ZNF385D: variants seen among roughly 807,000 people sequenced by gnomAD.
ZNF385D encodes zinc finger protein 385D.
In ZNF385D, 15 loss-of-function variants were observed where a neutral mutation model predicts 35.8. That is an observed-to-expected ratio of 0.42 (90% CI 0.28 to 0.64). The LOEUF (loss-of-function observed/expected upper bound fraction) is 0.64. ZNF385D is among the 30% of genes least tolerant of loss of function. The pLI is 0.23. For missense variants in ZNF385D, 474 were observed against 494.6 expected (o/e 0.96, Z 0.39); for synonymous variants, 212 against 186.8 (o/e 1.13, Z -1.10).
intron 2 of ZNF385D, among the ~76,000 whole-genome samples, chr3:22,207,885 C>A (rs1697259571): frequency 6.6e-6 from 1 of 151,828 alleles, no homozygotes; most frequent in African/African-American, 2.4e-5. Context: ...TGAGATGTCA[C>A]CTCACCCTAG....
chr3:21,975,136 C>T (rs1290253530), intron 3 of ZNF385D, among the ~76,000 whole-genome samples: 4 of 152,186 alleles, frequency 2.6e-5, no homozygotes, highest in African/African-American at 7.2e-5. Flanking sequence ...TGTGGCAGCA[C>T]TGCTCTGCCA....
chr3:21,907,298 C>G (rs1334126824), intron 3 of ZNF385D, among the ~76,000 whole-genome samples: 1 of 152,094 alleles, frequency 6.6e-6, no homozygotes, highest in Non-Finnish European at 1.5e-5. Context: ...ACATTGCCAA[C>G]ATTGTGGTAT....
chr3:21,735,386 A>G (rs1575559933), intron 1 of ZNF385D, among the ~76,000 whole-genome samples: 1 of 152,236 alleles, frequency 6.6e-6, no homozygotes, highest in Non-Finnish European at 1.5e-5. Flanking sequence ...GCCACTCACT[A>G]CTGGTTGCTT....
intron 2 of ZNF385D, among the ~76,000 whole-genome samples, chr3:22,215,515 C>T (rs1697817411): frequency 6.6e-6 from 1 of 151,930 alleles, no homozygotes; most frequent in South Asian, 2.1e-4. Flanking sequence ...CCATAGTGCT[C>T]CCAGGCTTAT....
At chr3:21,506,577 T>C (rs1015727802) in intron 4 of ZNF385D, among the ~76,000 whole-genome samples, 1 of 152,174 alleles carries the variant, frequency 6.6e-6, no homozygotes, top group African/African-American at 2.4e-5. Context: ...CTAGTTACTT[T>C]GAGTATAATT....
chr3:21,604,875 G>A (rs2064430008), intron 2 of ZNF385D, among the ~76,000 whole-genome samples: 1 of 152,136 alleles, frequency 6.6e-6, no homozygotes, highest in Admixed American at 6.5e-5. Context: ...CTAGTTTTAT[G>A]TTTATTTATT....
intron 4 of ZNF385D, among the ~76,000 whole-genome samples, chr3:21,458,178 A>C (rs1472221605): frequency 6.6e-6 from 1 of 152,098 alleles, no homozygotes; most frequent in East Asian, 1.9e-4. Context: ...AGGTTAAGAA[A>C]CAGATGAAGA....
intron 4 of ZNF385D, among the ~76,000 whole-genome samples, chr3:21,444,388 T>A (rs1462480356): frequency 1.7e-3 from 2 of 1,162 alleles, no homozygotes; most frequent in African/African-American, 3.6e-3. Context: ...CCTTTTTTTG[T>A]TTTTTTTTTT....
intron 2 of ZNF385D, among the ~76,000 whole-genome samples, chr3:21,581,972 C>T (rs1019483787): frequency 5.3e-5 from 8 of 152,082 alleles, no homozygotes; most frequent in African/African-American, 1.9e-4. Context: ...AATTTTTTTA[C>T]CAGATGTTTC....
At chr3:21,888,739 T>A (rs937001481) in intron 3 of ZNF385D, among the ~76,000 whole-genome samples, 2 of 152,194 alleles carry the variant, frequency 1.3e-5, no homozygotes, top group African/African-American at 4.8e-5. Context: ...GACCCATTTT[T>A]CTCATTTATC....
chr3:21,564,548 A>C, intron 3 of ZNF385D, 26 bp downstream of exon 3: 1 of 1,358,084 alleles, frequency 7.4e-7, no homozygotes, highest in Non-Finnish European at 1.0e-6. Flanking sequence ...TTTTTTTTTT[A>C]AGTGAACACT....
At chr3:21,886,868 G>T (rs896713143) in intron 3 of ZNF385D, among the ~76,000 whole-genome samples, 107 of 152,076 alleles carry the variant, frequency 7.0e-4, no homozygotes, top group African/African-American at 2.4e-3. Context: ...TGGTGTGATT[G>T]GATCAGCAGT....
chr3:21,428,851 C>G (rs892356164), intron 5 of ZNF385D, among the ~76,000 whole-genome samples: 1 of 150,312 alleles, frequency 6.7e-6, no homozygotes, highest in Non-Finnish European at 1.5e-5. Flanking sequence ...ATACCTTCAC[C>G]TGAAGCTTCA....
At chr3:22,090,935 C>T (rs1320282505) in intron 3 of ZNF385D, among the ~76,000 whole-genome samples, 1 of 152,072 alleles carries the variant, frequency 6.6e-6, no homozygotes, top group Admixed American at 6.6e-5. Flanking sequence ...TTACAGCATG[C>T]TCAGGAGGAA....
intron 2 of ZNF385D, among the ~76,000 whole-genome samples, chr3:21,577,026 T>C (rs1212113943): frequency 6.6e-6 from 1 of 152,204 alleles, no homozygotes; most frequent in Non-Finnish European, 1.5e-5. Flanking sequence ...CAATGTCTTC[T>C]CATTTAGCTA....
intron 4 of ZNF385D, among the ~76,000 whole-genome samples, chr3:21,502,815 A>C (rs1451058087): frequency 6.6e-6 from 1 of 152,206 alleles, no homozygotes; most frequent in Non-Finnish European, 1.5e-5. Flanking sequence ...TTCTTTGACC[A>C]ATCTGAAGCA....
intron 3 of ZNF385D, among the ~76,000 whole-genome samples, chr3:21,553,865 G>C (rs370860341): frequency 3.7e-4 from 57 of 152,240 alleles, no homozygotes; most frequent in Non-Finnish European, 6.9e-4. Flanking sequence ...AAAGGAGGAG[G>C]TTATCTGAGA....
intron 2 of ZNF385D, among the ~76,000 whole-genome samples, chr3:21,626,283 A>G (rs1343573355): frequency 1.3e-5 from 2 of 152,122 alleles, no homozygotes; most frequent in East Asian, 3.9e-4. Flanking sequence ...GAGGAAGAAA[A>G]GGAATTAACA....
At chr3:22,095,399 C>T (rs1208060467) in intron 3 of ZNF385D, among the ~76,000 whole-genome samples, 1 of 151,662 alleles carries the variant, frequency 6.6e-6, no homozygotes, top group Non-Finnish European at 1.5e-5. Context: ...CATATGGTAA[C>T]TTAGGCACTA....
Sources: gnomAD v4.1 joint callset for allele counts (sites outside exome capture counted in the v4.1 genomes callset) on GRCh38, gnomAD v4.1.1 for gene constraint, MANE v1.5 for transcripts, NCBI Gene and HGNC (gene_info 2026-07-23, HGNC 2026-07-21) for gene names.